SLC30A8: variants seen among roughly 807,000 people sequenced by gnomAD.
The protein encoded by SLC30A8 is proton-coupled zinc antiporter SLC30A8.
A neutral mutation model predicts 36.9 loss-of-function variants in SLC30A8; 27 were observed. The ratio of observed to expected loss-of-function variants is 0.73; its 90% CI spans 0.54 to 1.01. The LOEUF is 1.01. Ranked by LOEUF, SLC30A8 falls within the 50% of genes least tolerant of loss-of-function variation. SLC30A8 has a pLI of 0.00. For missense variants in SLC30A8, 439 were observed against 452.0 expected (o/e 0.97, Z 0.26); for synonymous variants, 164 against 172.4 (o/e 0.95, Z 0.38).
chr8:117,073,884 T>C (rs549869518), intron 2 of SLC30A8, among the ~76,000 whole-genome samples: 6 of 152,028 alleles, frequency 3.9e-5, no homozygotes, highest in Non-Finnish European at 5.9e-5. Context: ...AAATAATTCA[T>C]AGGGTTGATA....
chr8:117,174,541 A>G lies in SLC30A8; in HGVS notation c.*1860A>G, dbSNP rs1171919828. The G allele has an allele frequency of 2.6e-5, 4 of 152,516 alleles. No homozygotes were observed. The highest frequency in any genetic ancestry group is 9.7e-5 in the African/African-American group (4 of 41,434). 9.4% of individuals were successfully genotyped at this position (152,516 alleles called of 1,614,324 possible). A position where few individuals can be genotyped will look rare whatever the true frequency, so the allele number is the denominator to read the frequency against. ...CTGCCACATCGGGTTCTCAAAATGG[A>G]AAGAATGGTTTATGCCAAATCACTT... On this transcript the variant is annotated 3_prime_UTR_variant, in exon 8 of 8. Transcript: ENST00000456015.
At chr8:116,964,137 A>G (rs1814521724) in intron 1 of SLC30A8, among the ~76,000 whole-genome samples, 8 of 152,244 alleles carry the variant, frequency 5.3e-5, no homozygotes, top group Admixed American at 5.2e-4. Context: ...TAAGACCTGA[A>G]GCTGAAAAGA....
chr8:116,962,331 A>T (rs1421539851), intron 1 of SLC30A8, among the ~76,000 whole-genome samples: 1 of 152,008 alleles, frequency 6.6e-6, no homozygotes, highest in Non-Finnish European at 1.5e-5. Flanking sequence ...GGCCGATCCT[A>T]AGTTATGCCA....
intron 2 of SLC30A8, among the ~76,000 whole-genome samples, chr8:117,091,452 G>A (rs762423397): frequency 1.3e-5 from 2 of 152,048 alleles, no homozygotes; most frequent in African/African-American, 2.4e-5. Flanking sequence ...AGGAAGAAAA[G>A]CTTGATCTCC....
At chr8:117,084,568 C>G (rs1180070780) in intron 2 of SLC30A8, among the ~76,000 whole-genome samples, 1 of 152,098 alleles carries the variant, frequency 6.6e-6, no homozygotes, top group Non-Finnish European at 1.5e-5. Context: ...CTGAGAAATT[C>G]CATTTCTTCT....
At chr8:116,957,751 T>C (rs1814267070) in intron 1 of SLC30A8, among the ~76,000 whole-genome samples, 1 of 152,174 alleles carries the variant, frequency 6.6e-6, no homozygotes, top group Non-Finnish European at 1.5e-5. Flanking sequence ...TATTGTGGGA[T>C]TGTATGATAT....
chr8:117,156,002 A>G (rs1563632151), intron 3 of SLC30A8, among the ~76,000 whole-genome samples: 1 of 151,596 alleles, frequency 6.6e-6, no homozygotes, highest in East Asian at 1.9e-4. Flanking sequence ...CAGTGACCCT[A>G]TTTCCAAATA....
At chr8:117,126,691 CACTA>C in intron 2 of SLC30A8, among the ~76,000 whole-genome samples, 1 of 152,072 alleles carries the variant, frequency 6.6e-6, no homozygotes, top group Non-Finnish European at 1.5e-5. Context: ...AGCCCCTAGC[CACTA>C]ACAGCTTATA....
chr8:117,041,983 C>T (rs1452339751), intron 2 of SLC30A8, among the ~76,000 whole-genome samples: 2 of 152,134 alleles, frequency 1.3e-5, no homozygotes, highest in East Asian at 1.9e-4. Context: ...TAGAGGGATG[C>T]CTAAACTAAT....
At chr8:117,120,585 A>G (rs1820654439) in intron 2 of SLC30A8, among the ~76,000 whole-genome samples, 1 of 151,952 alleles carries the variant, frequency 6.6e-6, no homozygotes. Flanking sequence ...CATAGGCAAC[A>G]TAAGCTAAAA....
intron 2 of SLC30A8, among the ~76,000 whole-genome samples, chr8:117,093,033 A>G (rs1819198040): frequency 1.3e-5 from 2 of 152,184 alleles, no homozygotes; most frequent in South Asian, 2.1e-4. Flanking sequence ...TTCCTAGTCT[A>G]TCCTTACCAG....
intron 6 of SLC30A8, 24 bp downstream of exon 6, chr8:117,163,554 C>G: frequency 1.3e-6 from 2 of 1,536,928 alleles, no homozygotes; most frequent in Non-Finnish European, 1.8e-6. Flanking sequence ...TATTATTACT[C>G]CCAGAGTCAG....
intron 2 of SLC30A8, among the ~76,000 whole-genome samples, chr8:117,117,720 C>T (rs999894158): frequency 3.3e-5 from 5 of 151,900 alleles, no homozygotes; most frequent in Non-Finnish European, 1.5e-5. Flanking sequence ...GGATGAAGGC[C>T]TGTCTTCATC....
chr8:117,044,563 C>G (rs1435272976), intron 2 of SLC30A8, among the ~76,000 whole-genome samples: 1 of 152,134 alleles, frequency 6.6e-6, no homozygotes, highest in Non-Finnish European at 1.5e-5. Flanking sequence ...GGCGTGTCAG[C>G]GGGTTGACAG....
rs555112879 is a variant in SLC30A8 at position 117,016,935 on chromosome 8, A to G, written c.-265-22284A>G. 9.9e-5 allele frequency among the ~76,000 whole-genome samples: 15 copies of G among 152,202 alleles called. 1 individual carries two copies. In the South Asian group the frequency reaches 2.9e-3, roughly 30 times the overall value. ...GTTATATTCATCTAGCATGCTCACA[A>G]CAAGATAAAGCTAATAAAATCAGGG... On this transcript the variant is annotated intron_variant, in intron 1 of 10. Coordinates refer to the SLC30A8 transcript ENST00000427715.
At chr8:117,096,110 G>A (rs1210731626) in intron 2 of SLC30A8, among the ~76,000 whole-genome samples, 1 of 152,152 alleles carries the variant, frequency 6.6e-6, no homozygotes, top group East Asian at 1.9e-4. Context: ...CTAGAAAGGA[G>A]AAAGACTGTC....
intron 4 of SLC30A8, among the ~76,000 whole-genome samples, chr8:117,160,569 A>G (rs1286300762): frequency 6.6e-6 from 1 of 152,238 alleles, no homozygotes; most frequent in Non-Finnish European, 1.5e-5. Flanking sequence ...AAATGTCTGC[A>G]TATGAGTGAC....
chr8:117,092,983 T>C (rs1440925852), intron 2 of SLC30A8, among the ~76,000 whole-genome samples: 5 of 152,138 alleles, frequency 3.3e-5, no homozygotes, highest in African/African-American at 1.2e-4. Flanking sequence ...CTGTGTCAGC[T>C]AAAGGATCTA....
At chr8:117,095,930 G>C (rs192791666) in intron 2 of SLC30A8, among the ~76,000 whole-genome samples, 1 of 152,190 alleles carries the variant, frequency 6.6e-6, no homozygotes, top group South Asian at 2.1e-4. Flanking sequence ...GTCACACCCA[G>C]TTTGGGTAAG....
Sources: gnomAD v4.1 joint callset for allele counts (sites outside exome capture counted in the v4.1 genomes callset) on GRCh38, gnomAD v4.1.1 for gene constraint, MANE v1.5 for transcripts, NCBI Gene and HGNC (gene_info 2026-07-23, HGNC 2026-07-21) for gene names.